ANKLE1: variants seen among roughly 807,000 people sequenced by gnomAD.
The protein encoded by ANKLE1 is ankyrin repeat and LEM domain containing 1, also known as structure-specific endonuclease ANKLE1.
ANKLE1 carries 59 observed loss-of-function variants against 56.2 expected under a neutral mutation model. The ratio of observed to expected loss-of-function variants is 1.05; its 90% confidence interval spans 0.85 to 1.30. The LOEUF (loss-of-function observed/expected upper bound fraction) is 1.30. Among genes scored for constraint, ANKLE1 ranks in the 50% most tolerant of loss-of-function variants. ANKLE1 has a pLI of 0.00. For synonymous variants in ANKLE1, 341 were observed against 352.9 expected (o/e 0.97, Z 0.38); for missense variants, 771 against 816.1 (o/e 0.94, Z 0.67).
Position 17,286,735 on chromosome 19 carries a change from C to T in ANKLE1, c.*183C>T, listed in dbSNP as rs558424120. On this transcript the variant is annotated 3_prime_UTR_variant, in exon 9 of 9. Coordinates refer to ENST00000404085, the MANE Select transcript of ANKLE1 (RefSeq NM_152363.6). ...GTGTAGGGAGCACCCAGGCAGATCT[C>T]CCCCAGGCTGAGAGAGGACTTTGTT... is the stretch of plus-strand genomic sequence containing the variant. 4 of 1,452,416 alleles carry T rather than the reference C, an allele frequency of 2.8e-6. No individual in the cohort carries two copies. Among genetic ancestry groups the T allele is most frequent in the Non-Finnish European group, 3.6e-6 (4 of 1,099,462 alleles). The allele number at this position is 1,452,416 out of a possible 1,614,324, so 90.0% of individuals were successfully genotyped here.
At chr19:17,283,192 C>A (rs1334076114) in intron 4 of ANKLE1, 33 bp from the exon 5 acceptor site, 1 of 1,584,620 alleles carries the variant, frequency 6.3e-7, no homozygotes, top group Non-Finnish European at 8.6e-7. Flanking sequence ...CATCCCTCCT[C>A]CTCTCCTCTC....
At position 17,282,934 on chromosome 19, in the gene ANKLE1, T is replaced by C; in HGVS notation, c.392T>C (p.Leu131Pro). 6.4e-7 allele frequency: 1 copy of C among 1,571,598 alleles called. No individual in the cohort carries two copies. Among genetic ancestry groups the C allele is most frequent in the South Asian group, 1.2e-5 (1 of 86,656 alleles). Reference protein sequence around the residue: ...HLECARVLQDLDTRTRTRTRI... With the variant: ...HLECARVLQDPDTRTRTRTRI... ...GAGTGCGCGCGAGTCCTGCAGGATC[T>C]CGACACGCGGACCAGGACCCGGACC... The change falls in exon 4 of 9, where the codon CTC becomes CCC. Residue 131 changes from leucine (L) to proline (P), a missense_variant. Transcript: ENST00000404085.
At position 17,283,742 on chromosome 19, in the gene ANKLE1, C is replaced by T; in HGVS notation, c.978C>T (p.Ser326=). 1 of 1,613,704 alleles carries T rather than the reference C, an allele frequency of 6.2e-7. No homozygotes were observed. The highest frequency in any genetic ancestry group is 8.5e-7 in the Non-Finnish European group (1 of 1,179,896). The change falls in exon 5 of 9, where the codon TCC becomes TCT. Residue 326 remains serine, a synonymous_variant. Coordinates refer to ENST00000404085, the MANE Select transcript of ANKLE1 (RefSeq NM_152363.6). The part of the protein sequence containing the change: ...DCHCLWEHQT[S]IDSDMATLWL... ...ACTGCCTGTGGGAGCACCAGACATC[C>T]ATTGATAGTGACATGGCCACGCTCT...
At position 17,282,658 on chromosome 19, in the gene ANKLE1, C is replaced by A; in HGVS notation, c.218C>A (p.Ser73Tyr). 1.3e-6 allele frequency: 2 copies of A among 1,534,262 alleles called. No individual in the cohort carries two copies. Among genetic ancestry groups the A allele is most frequent in the Non-Finnish European group, 1.7e-6 (2 of 1,146,560 alleles). ...LRQGGDPNAR[S>Y]VEALTPLHVA... ...CCCCTCTTGCGCTGCCGCCCCAGAT[C>A]TGTCGAGGCACTGACGCCGCTGCAT... The change falls in exon 3 of 9, where the codon TCT becomes TAT. Residue 73 changes from serine to tyrosine, a missense_variant and splice_region_variant. Ser to Tyr is a moderately radical substitution (Grantham distance 144). Transcript: ENST00000404085.
chr19:17,283,075 C>T (rs2073992589), intron 4 of ANKLE1, 73 bp downstream of exon 4: 2 of 1,536,384 alleles, frequency 1.3e-6, no homozygotes, highest in East Asian at 2.4e-5. Context: ...CTTCCCCACC[C>T]CACCCATTGG....
In ANKLE1 at chr19:17,283,213, T is replaced by C. The variant is rs762756470; in HGVS notation, c.461-12T>C. 5 of 1,597,514 alleles carry C rather than the reference T, an allele frequency of 3.1e-6. No individual in the cohort carries two copies. In the South Asian group the frequency reaches 5.5e-5, roughly 18 times the overall value. ...TCCTCCTCTCCTCTCTGGCCCCCAC[T>C]CTCACCTGCAGCCCCAGGCCTCTCT... is the stretch of plus-strand genomic sequence containing the variant. On this transcript the variant is annotated splice_polypyrimidine_tract_variant and intron_variant, in intron 4 of 8. Coordinates refer to ENST00000404085, the MANE Select transcript of ANKLE1 (RefSeq NM_152363.6).
chr19:17,283,127 G>C, intron 4 of ANKLE1, 98 bp from the exon 5 acceptor site: 1 of 1,545,740 alleles, frequency 6.5e-7, no homozygotes, highest in Non-Finnish European at 8.7e-7. Context: ...CAGCTCTTTC[G>C]GCCTCAGACA....
Position 17,282,180 on chromosome 19 carries a change from A to T in ANKLE1, c.186A>T (p.Leu62=), listed in dbSNP as rs1330121549. The T allele has an allele frequency of 5.9e-6, 9 of 1,527,428 alleles. No individual in the cohort carries two copies. The highest frequency in any genetic ancestry group is 7.9e-6 in the Non-Finnish European group (9 of 1,140,466). The allele number at this position is 1,527,428 out of a possible 1,614,324, so 94.6% of individuals were successfully genotyped here. A position where few individuals can be genotyped will look rare whatever the true frequency, so the allele number is the denominator to read the frequency against. The change falls in exon 2 of 9, where the codon CTA becomes CTT. Residue 62 remains leucine (L), a synonymous_variant. Transcript: ENST00000404085. ...HPRGLRCLGA[L]LRQGGDPNAR... is the part of the protein sequence containing the mutation. ...GCGGCCTGCGTTGCCTCGGGGCCCT[A>T]CTGCGCCAAGGCGGGGACCCCAACG...
At position 17,283,379 on chromosome 19, in the gene ANKLE1, C is replaced by T. The variant is rs781314393; in HGVS notation, c.615C>T (p.Ser205=). The T allele has an allele frequency of 2.5e-6, 4 of 1,613,584 alleles. No individual in the cohort carries two copies. In the South Asian group the frequency reaches 3.3e-5, roughly 13 times the overall value. Residue 205 remains serine, a synonymous_variant, in exon 5 of 9, where the codon AGC becomes AGT. Coordinates refer to ENST00000404085, the MANE Select transcript of ANKLE1 (RefSeq NM_152363.6). The stretch of plus-strand genomic sequence containing the variant: ...TTGAAACTGTGGACAAACATGGGAG[C>T]TCGGCGTCCCCTCCAGGGCACTGGG... ...VPLETVDKHG[S]SASPPGHWDY... is the part of the protein sequence containing the mutation.
rs1383812974 is a variant in ANKLE1 at position 17,285,744 on chromosome 19, G to T, written c.1600G>T (p.Val534Leu). 1 of 1,613,952 alleles carries T rather than the reference G, an allele frequency of 6.2e-7. No homozygotes were observed. Among genetic ancestry groups the T allele is most frequent in the Admixed American group, 1.7e-5 (1 of 59,998 alleles). ...LDIWASGCGV[V>L]SLHCFQHVVA... is the part of the protein sequence containing the mutation. ...CATCTGGGCCAGTGGTTGCGGTGTT[G>T]TGTCCCTACATTGCTTCCAGCACGT... Residue 534 changes from valine (V) to leucine (L), a missense_variant, in exon 8 of 9, where the codon GTG (valine) becomes TTG (leucine). Physicochemically the swap from Val to Leu is conservative, Grantham distance 32 (BLOSUM62 1). Coordinates refer to ENST00000404085, the MANE Select transcript of ANKLE1 (RefSeq NM_152363.6).
intron 4 of ANKLE1, 106 bp downstream of exon 4, chr19:17,283,108 A>C (rs1018163418): frequency 6.5e-7 from 1 of 1,541,150 alleles, no homozygotes; most frequent in African/African-American, 1.4e-5. Flanking sequence ...CACATCCACT[A>C]TTTGTGGCCA....
rs58535756 is a variant in ANKLE1, at chr19:17,286,647, GGTGTGTGTGTGTGTGTGTGTGTGTGTGT to G, written c.*112_*139del. The G allele has an allele frequency of 4.2e-6, 6 of 1,429,092 alleles. No homozygotes were observed. Among genetic ancestry groups the G allele is most frequent in the Middle Eastern group, 2.0e-4 (1 of 5,048 alleles). The allele number at this position is 1,429,092 out of a possible 1,614,324, so 88.5% of individuals were successfully genotyped here. ...AGCCCCCATCTCTGGTTTCAGAAGG[GGTGTGTGTGTGTGTGTGTGTGTGTGTGT>G]GTGTGTGTGTGTGTGTTTGTGTGTG... On this transcript the variant is annotated 3_prime_UTR_variant, in exon 9 of 9. Coordinates refer to ENST00000404085, the MANE Select transcript of ANKLE1 (RefSeq NM_152363.6).
intron 2 of ANKLE1, 102 bp downstream of exon 2, chr19:17,282,311 G>A (rs937272938): frequency 1.4e-6 from 2 of 1,417,498 alleles, no homozygotes. Context: ...GGGGCTCGAG[G>A]GTGGGGTTTA....
intron 4 of ANKLE1, 102 bp downstream of exon 4, chr19:17,283,104 C>A: frequency 6.5e-7 from 1 of 1,541,608 alleles, no homozygotes; most frequent in Non-Finnish European, 8.7e-7. Context: ...GTCTCACATC[C>A]ACTATTTGTG....
At position 17,286,386 on chromosome 19, in the gene ANKLE1, A is replaced by G; in HGVS notation, c.1682A>G (p.Gln561Arg). The G allele has an allele frequency of 6.4e-7, 1 of 1,565,626 alleles. No individual in the cohort carries two copies. Among genetic ancestry groups the G allele is most frequent in the Non-Finnish European group, 8.7e-7 (1 of 1,151,150 alleles). ...CCACATCCAATTTCTCCAGGGATCCAGACGCTCACCAACCAGAAGCAAGGG... is the reference window on the plus strand; with the variant it reads ...CCACATCCAATTTCTCCAGGGATCCGGACGCTCACCAACCAGAAGCAAGGG... ...EACIVEALGI[Q>R]TLTNQKQGHC... The change falls in exon 9 of 9, where the codon CAG becomes CGG. Residue 561 changes from glutamine to arginine, a missense_variant. Transcript: ENST00000404085.
rs527820787 is a variant in ANKLE1 at position 17,285,283 on chromosome 19, C to T, written c.1377-148C>T. On this transcript the variant is annotated intron_variant, in intron 6 of 8. Transcript: ENST00000404085. ...TCAAAAAAAAAAAAAAAGAAAGCTG[C>T]TGAATGTCTTTGGGGAGCCGCTGAC... 5.5e-6 allele frequency: 5 copies of T among 902,682 alleles called. No individual in the cohort carries two copies. In the East Asian group the frequency reaches 1.3e-4, roughly 23 times the overall value. 55.9% of individuals were successfully genotyped at this position (902,682 alleles called of 1,614,324 possible).
At position 17,283,712 on chromosome 19, in the gene ANKLE1, C is replaced by T. The variant is rs759715936; in HGVS notation, c.948C>T (p.Asp316=). ...PPRTPTPGAS[D]CHCLWEHQTS... is the part of the protein sequence containing the mutation. Reference sequence around the variant, plus strand: ...GGACACCAACCCCTGGAGCTTCTGACTGCCACTGCCTGTGGGAGCACCAGA... The same window carrying T: ...GGACACCAACCCCTGGAGCTTCTGATTGCCACTGCCTGTGGGAGCACCAGA... Residue 316 remains aspartate, a synonymous_variant, in exon 5 of 9, where the codon GAC becomes GAT. Transcript: ENST00000404085. The T allele has an allele frequency of 1.9e-6, 3 of 1,613,654 alleles. No homozygotes were observed. In the Admixed American group the frequency reaches 5.0e-5, roughly 27 times the overall value.
At position 17,283,590 on chromosome 19, in the gene ANKLE1, C is replaced by T; in HGVS notation, c.826C>T (p.Gln276Ter). 2 of 1,612,184 alleles carry T rather than the reference C, an allele frequency of 1.2e-6. No individual in the cohort carries two copies. The highest frequency in any genetic ancestry group is 1.7e-6 in the Non-Finnish European group (2 of 1,179,146). The change falls in exon 5 of 9, where the codon CAG becomes TAG. Residue 276 changes from glutamine to a stop codon, truncating the protein, a stop_gained. Coordinates refer to ENST00000404085, the MANE Select transcript of ANKLE1 (RefSeq NM_152363.6). LOFTEE classifies it high-confidence loss of function. ...GTEAELNARL[Q>*]ALTLTPPNAA... is the part of the protein sequence containing the mutation. The stretch of plus-strand genomic sequence containing the variant: ...GGAGGCAGAACTGAATGCCCGTCTG[C>T]AGGCCCTGACTCTGACCCCACCAAA...
chr19:17,282,120 G>A lies in ANKLE1; in HGVS notation c.126G>A (p.Ala42=). ...DPNLVLEDGA[A]AVHLAAGARH... ...ATTTGGTGCTAGAGGACGGCGCAGC[G>A]GCTGTGCACTTGGCGGCCGGAGCCC... The change falls in exon 2 of 9, where the codon GCG becomes GCA. Residue 42 remains alanine, a synonymous_variant. Coordinates refer to ENST00000404085, the MANE Select transcript of ANKLE1 (RefSeq NM_152363.6). 6.5e-7 allele frequency: 1 copy of A among 1,541,226 alleles called. No individual in the cohort carries two copies. Among genetic ancestry groups the A allele is most frequent in the Non-Finnish European group, 8.7e-7 (1 of 1,146,278 alleles).
Sources: gnomAD v4.1 joint callset for allele counts on GRCh38, gnomAD v4.1.1 for gene constraint, MANE v1.5 for transcripts, NCBI Gene and HGNC (gene_info 2026-07-23, HGNC 2026-07-21) for gene names.